Variants in SIRPB2 observed in about 807,000 individuals in gnomAD.
SIRPB2 encodes the protein signal-regulatory protein beta-2.
In SIRPB2, 18 loss-of-function variants were observed where a neutral mutation model predicts 27.1. That is an observed-to-expected ratio of 0.66 (90% CI 0.46 to 0.98). The LOEUF (loss-of-function observed/expected upper bound fraction) is 0.98. SIRPB2 is among the 50% of genes least tolerant of loss of function. The probability of loss-of-function intolerance (pLI) is 0.00; values close to 1 mark genes in which losing one functional copy is unlikely to be tolerated. For missense variants in SIRPB2, 420 were observed against 417.4 expected (o/e 1.01, Z -0.06); for synonymous variants, 150 against 164.6 (o/e 0.91, Z 0.68).
chr20:1,476,005 A>G lies in SIRPB2; in HGVS notation c.*162T>C. 1 of 732,750 alleles carries G rather than the reference A, an allele frequency of 1.4e-6. No homozygotes were observed. Among genetic ancestry groups the G allele is most frequent in the Non-Finnish European group, 2.2e-6 (1 of 455,270 alleles). The allele number at this position is 732,750 out of a possible 1,614,324, so 45.4% of individuals were successfully genotyped here. ...GACATTTTAGAGGGAAGCCCGGTGC[A>G]AAGAAGGGAATTTCACTAGGTGGAC... On this transcript the variant is annotated 3_prime_UTR_variant, in exon 5 of 5. Transcript: ENST00000359801.
At chr20:1,483,999 A>G (rs1245425701) in intron 1 of SIRPB2, among the ~76,000 whole-genome samples, 3 of 152,210 alleles carry the variant, frequency 2.0e-5, no homozygotes, top group Non-Finnish European at 4.4e-5. Flanking sequence ...AAGGGCATAG[A>G]ATACATAGAC....
chr20:1,470,986 T>C (rs1295779468), downstream of SIRPB2: 1 of 152,234 alleles, frequency 6.6e-6, no homozygotes, highest in Admixed American at 6.5e-5. Flanking sequence ...TTTTGCCTGA[T>C]GCTGTTTTCC....
At chr20:1,481,348 C>G (rs999954326) in intron 1 of SIRPB2, among the ~76,000 whole-genome samples, 1 of 152,000 alleles carries the variant, frequency 6.6e-6, no homozygotes, top group Non-Finnish European at 1.5e-5. Context: ...AGAAAGAAAA[C>G]GAATGCTCAC....
chr20:1,472,342 C>A (rs139242308), downstream of SIRPB2, among the ~76,000 whole-genome samples: 4 of 152,174 alleles, frequency 2.6e-5, no homozygotes, highest in Admixed American at 6.5e-5. Context: ...CTTTAGTGGA[C>A]TTGCCTCCAC....
At chr20:1,483,199 T>G (rs2090691150) in intron 1 of SIRPB2, among the ~76,000 whole-genome samples, 1 of 151,810 alleles carries the variant, frequency 6.6e-6, no homozygotes, top group Admixed American at 6.6e-5. Flanking sequence ...CTCCGCCTCC[T>G]GGGGTCAAGT....
At chr20:1,478,184 C>T (rs1191993196) in intron 3 of SIRPB2, 82 bp downstream of exon 3, 1 of 1,299,798 alleles carries the variant, frequency 7.7e-7, no homozygotes, top group Non-Finnish European at 1.1e-6. Flanking sequence ...CTGTGAAGAA[C>T]TGGCTTGTTC....
At chr20:1,476,713 C>A (rs2090609527) in intron 4 of SIRPB2, 5 of 1,047,286 alleles carry the variant, frequency 4.8e-6, no homozygotes, top group Non-Finnish European at 5.8e-6. Context: ...GTCACGGGAC[C>A]CAGGCCGTCT....
downstream of SIRPB2, among the ~76,000 whole-genome samples, chr20:1,472,079 T>C (rs12480584): frequency 0.1 from 15,613 of 152,162 alleles, 942 homozygotes; most frequent in Admixed American, 0.18. Flanking sequence ...CATCAAGGCA[T>C]CAGATCTGAA....
downstream of SIRPB2, chr20:1,473,097 A>G (rs574118234): frequency 2.6e-5 from 4 of 152,330 alleles, no homozygotes; most frequent in South Asian, 4.2e-4. Context: ...AGCACTCAGT[A>G]TAGTGGGGCC....
At chr20:1,476,488 C>T in intron 4 of SIRPB2, 152 bp from the exon 5 acceptor site, 1 of 741,712 alleles carries the variant, frequency 1.3e-6, no homozygotes, top group Non-Finnish European at 2.0e-6. Flanking sequence ...TCAAAGACCA[C>T]CCTTCCCTCT....
At chr20:1,477,678 T>C (rs936075646) in intron 3 of SIRPB2, among the ~76,000 whole-genome samples, 18 of 152,196 alleles carry the variant, frequency 1.2e-4, no homozygotes, top group Admixed American at 1.0e-3. Flanking sequence ...ATTATTATTG[T>C]TACTATTATT....
At chr20:1,487,695 A>G (rs141617210) in intron 1 of SIRPB2, among the ~76,000 whole-genome samples, 1 of 152,280 alleles carries the variant, frequency 6.6e-6, no homozygotes, top group African/African-American at 2.4e-5. Flanking sequence ...GTGCAGTGCT[A>G]TTTTGGGTGT....
chr20:1,472,781 A>T (rs1029000051), downstream of SIRPB2: 3 of 152,192 alleles, frequency 2.0e-5, no homozygotes, highest in Non-Finnish European at 4.4e-5. Flanking sequence ...TGTGTGCTTC[A>T]TCTCTGCCAT....
In SIRPB2 at chr20:1,483,263, C is replaced by T. The variant is rs557040262; in HGVS notation, c.86-3198G>A. Among the ~76,000 whole-genome samples, 9 of 151,672 alleles carry T rather than the reference C, an allele frequency of 5.9e-5. No individual in the cohort carries two copies. The South Asian group carries it at 1.7e-3, about 28-fold the overall frequency. On this transcript the variant is annotated intron_variant, in intron 1 of 4. Coordinates refer to ENST00000359801, the MANE Select transcript of SIRPB2 (RefSeq NM_001122962.2). ...CTGGGATTACAGGCACATGACACTA[C>T]ACTTGGCTAATGTTTGTATTTTTAG...
chr20:1,488,711 T>C (rs537447025), intron 1 of SIRPB2, among the ~76,000 whole-genome samples: 8 of 152,186 alleles, frequency 5.3e-5, no homozygotes, highest in African/African-American at 1.9e-4. Context: ...ATTAAAAAGA[T>C]TGACCATAAT....
chr20:1,481,699 A>G (rs891169331), intron 1 of SIRPB2, among the ~76,000 whole-genome samples: 7 of 152,176 alleles, frequency 4.6e-5, no homozygotes, highest in African/African-American at 1.7e-4. Flanking sequence ...AACCACCAAG[A>G]ATAACTTTCT....
chr20:1,471,009 C>G (rs765736092), downstream of SIRPB2: 6 of 152,212 alleles, frequency 3.9e-5, no homozygotes, highest in Non-Finnish European at 8.8e-5. Flanking sequence ...CCAGGTCAGC[C>G]CACTCCTTTC....
At chr20:1,476,700 G>C in intron 4 of SIRPB2, 1 of 1,051,862 alleles carries the variant, frequency 9.5e-7, no homozygotes, top group South Asian at 3.3e-5. Flanking sequence ...ATGTGTTAAA[G>C]AAGTCACGGG....
chr20:1,477,174 G>T (rs988173632), intron 4 of SIRPB2, 164 bp downstream of exon 4: 30 of 1,591,970 alleles, frequency 1.9e-5, no homozygotes, highest in Non-Finnish European at 2.6e-5. Context: ...TTATAACATG[G>T]TTCTCTGGGG....
Sources: allele counts gnomAD v4.1 joint callset (sites outside exome capture counted in the v4.1 genomes callset), GRCh38; gene constraint gnomAD v4.1.1; transcripts MANE v1.5; gene names NCBI Gene and HGNC (gene_info 2026-07-23, HGNC 2026-07-21).